Variants in BMPR1A observed in about 807,000 individuals in gnomAD.
The protein encoded by BMPR1A is bone morphogenetic protein receptor type 1A.
A neutral mutation model predicts 66.0 loss-of-function variants in BMPR1A; 7 were observed. That is an observed-to-expected ratio of 0.11 (90% CI 0.06 to 0.20). The LOEUF (loss-of-function observed/expected upper bound fraction) is 0.20, where lower values mean the gene tolerates loss of function less well. Ranked by LOEUF, BMPR1A falls within the 10% of genes least tolerant of loss-of-function variation. The pLI is 1.00. For synonymous variants in BMPR1A, 200 were observed against 229.7 expected (o/e 0.87, Z 1.17); for missense variants, 408 against 669.1 (o/e 0.61, Z 4.31).
intron 1 of BMPR1A, among the ~76,000 whole-genome samples, chr10:86,804,228 A>C (rs1398135371): frequency 6.6e-6 from 1 of 152,070 alleles, no homozygotes; most frequent in African/African-American, 2.4e-5. Context: ...TTTGGTTAGT[A>C]GTTTTGTATC....
At chr10:86,908,046 A>G (rs1843421621) in intron 7 of BMPR1A, among the ~76,000 whole-genome samples, 2 of 152,320 alleles carry the variant, frequency 1.3e-5, no homozygotes, top group Admixed American at 1.3e-4. Context: ...CTACAAAAAA[A>G]TACAAAAATT....
At chr10:86,894,524 T>G (rs990810845) in intron 5 of BMPR1A, among the ~76,000 whole-genome samples, 8 of 152,218 alleles carry the variant, frequency 5.3e-5, no homozygotes, top group Non-Finnish European at 8.8e-5. Flanking sequence ...AGAGCTATGG[T>G]TAGGGTACTG....
chr10:86,881,460 AC>A (rs1842984154), intron 3 of BMPR1A, among the ~76,000 whole-genome samples: 1 of 152,192 alleles, frequency 6.6e-6, no homozygotes, highest in Non-Finnish European at 1.5e-5. Context: ...ATTATTTTAT[AC>A]TATGCCGATT....
intron 1 of BMPR1A, among the ~76,000 whole-genome samples, chr10:86,810,601 A>G (rs993793353): frequency 2.0e-5 from 3 of 152,092 alleles, no homozygotes; most frequent in African/African-American, 7.2e-5. Context: ...TATTATAGCC[A>G]CTCAGGTGGG....
At chr10:86,820,086 G>A (rs1842099052) in intron 1 of BMPR1A, among the ~76,000 whole-genome samples, 1 of 152,144 alleles carries the variant, frequency 6.6e-6, no homozygotes, top group South Asian at 2.1e-4. Flanking sequence ...CTGACACCCA[G>A]ACTGGAGTGC....
chr10:86,849,875 T>C (rs1842542838), intron 2 of BMPR1A, among the ~76,000 whole-genome samples: 1 of 152,238 alleles, frequency 6.6e-6, no homozygotes, highest in Non-Finnish European at 1.5e-5. Flanking sequence ...AGCGTTTACC[T>C]GTGCCATTTA....
chr10:86,862,157 C>T (rs921592557), intron 2 of BMPR1A, among the ~76,000 whole-genome samples: 2 of 152,116 alleles, frequency 1.3e-5, no homozygotes, highest in Admixed American at 6.5e-5. Context: ...AATTATATAG[C>T]ATGACAAATG....
At chr10:86,797,786 A>G (rs1817907955) in intron 1 of BMPR1A, among the ~76,000 whole-genome samples, 1 of 152,190 alleles carries the variant, frequency 6.6e-6, no homozygotes, top group East Asian at 1.9e-4. Context: ...AAAAAGGTTG[A>G]GTTGTGGTTC....
chr10:86,824,081 T>TGTGTGTGTGTGTGTGTGTGTG (rs1842157809), intron 1 of BMPR1A, among the ~76,000 whole-genome samples: 68 of 94,126 alleles, frequency 7.2e-4, no homozygotes, highest in African/African-American at 1.8e-3. Context: ...TTACCAAGGG[T>TGTGTGTGTGTGTGTGTGTGTG]TGTGTGTGTG....
downstream of BMPR1A, chr10:86,929,553 T>C (rs979176617): frequency 9.9e-5 from 15 of 152,240 alleles, no homozygotes; most frequent in African/African-American, 3.6e-4. Flanking sequence ...CACTGATTAT[T>C]GTTCCTCAAA....
intron 1 of BMPR1A, among the ~76,000 whole-genome samples, chr10:86,762,966 G>C (rs185296266): frequency 1.2e-3 from 177 of 152,182 alleles, no homozygotes; most frequent in Non-Finnish European, 2.3e-3. Flanking sequence ...GCGTGATCTT[G>C]GCTCACTGCA....
chr10:86,910,790 A>G (rs779563448), intron 7 of BMPR1A, among the ~76,000 whole-genome samples: 1 of 152,176 alleles, frequency 6.6e-6, no homozygotes, highest in Non-Finnish European at 1.5e-5. Flanking sequence ...AATGGACCAT[A>G]TGACTAAATG....
intron 1 of BMPR1A, among the ~76,000 whole-genome samples, chr10:86,813,821 G>C (rs375104996): frequency 2.9e-4 from 44 of 152,158 alleles, no homozygotes; most frequent in African/African-American, 1.1e-3. Context: ...ATCTACATGG[G>C]TTCTCTCAAA....
At chr10:86,815,389 T>C (rs978842649) in intron 1 of BMPR1A, among the ~76,000 whole-genome samples, 1 of 152,148 alleles carries the variant, frequency 6.6e-6, no homozygotes, top group Non-Finnish European at 1.5e-5. Flanking sequence ...TGAGGCTGTT[T>C]CCTAGCAGGG....
intron 8 of BMPR1A, among the ~76,000 whole-genome samples, 179 bp downstream of exon 8, chr10:86,912,563 C>G (rs548957244): frequency 1.3e-5 from 2 of 152,018 alleles, no homozygotes; most frequent in East Asian, 3.9e-4. Flanking sequence ...GAAATATGAA[C>G]CAAGAAAAAT....
At chr10:86,899,746 G>C (rs774646013) in intron 5 of BMPR1A, 48 bp from the exon 6 acceptor site, 1 of 1,564,468 alleles carries the variant, frequency 6.4e-7, no homozygotes, top group Non-Finnish European at 8.8e-7. Context: ...AGACATATCA[G>C]TTTAAAATAC....
chr10:86,929,267 C>T (rs1384744200), downstream of BMPR1A: 2 of 152,142 alleles, frequency 1.3e-5, no homozygotes, highest in African/African-American at 4.8e-5. Flanking sequence ...TATTGCTACT[C>T]ACAAAGCTTT....
At chr10:86,793,489 G>A (rs1005210717) in intron 1 of BMPR1A, among the ~76,000 whole-genome samples, 9 of 151,244 alleles carry the variant, frequency 6.0e-5, no homozygotes, top group East Asian at 2.0e-4. Flanking sequence ...TCAGCCTCCC[G>A]AGTAGCTGGG....
chr10:86,795,174 ATT>A (rs536628407), intron 1 of BMPR1A, among the ~76,000 whole-genome samples: 2 of 145,528 alleles, frequency 1.4e-5, no homozygotes, highest in African/African-American at 5.0e-5. Flanking sequence ...TTTAATCTTT[ATT>A]TTTTTTTTTC....
Sources: allele counts gnomAD v4.1 joint callset (sites outside exome capture counted in the v4.1 genomes callset), GRCh38; gene constraint gnomAD v4.1.1; transcripts MANE v1.5; gene names NCBI Gene and HGNC (gene_info 2026-07-23, HGNC 2026-07-21).